TNR: variants seen among roughly 807,000 people sequenced by gnomAD.
TNR encodes the protein tenascin-R.
In TNR, 45 loss-of-function variants were observed where a neutral mutation model predicts 150.4. That is an observed-to-expected ratio of 0.30 (90% CI 0.24 to 0.38). TNR has a LOEUF of 0.38. Ranked by LOEUF, TNR falls within the 10% of genes least tolerant of loss-of-function variation. TNR has a pLI of 1.00. For missense variants in TNR, 1,544 were observed against 1,759.1 expected, an observed-to-expected ratio of 0.88 and a Z score of 2.19; for synonymous variants, 687 against 678.4, an observed-to-expected ratio of 1.01 and a Z score of -0.20.
At position 175,391,395 on chromosome 1, in the gene TNR, G is replaced by A. The variant is rs753755790; in HGVS notation, c.1400C>T (p.Thr467Met). 29 of 1,614,054 alleles carry A rather than the reference G, an allele frequency of 1.8e-5. No homozygotes were observed. Among genetic ancestry groups the A allele is most frequent in the South Asian group, 7.7e-5 (7 of 91,080 alleles). ...GVIAQVPSDV[T>M]SFNQTGLKPG... ...CTTTAGTCCTGTCTGGTTAAAGGAC[G>A]TAACATCGCTGGGGACCTGAGCAAT... Residue 467 changes from threonine to methionine, a missense_variant, in exon 7 of 23, where the codon ACG becomes ATG. By Grantham distance (81) the Thr-to-Met change is moderately conservative. Transcript: ENST00000367674.
chr1:175,541,788 T>C (rs1660509540), intron 1 of TNR, among the ~76,000 whole-genome samples: 1 of 152,192 alleles, frequency 6.6e-6, no homozygotes, highest in South Asian at 2.1e-4. Flanking sequence ...ACCCCACCCC[T>C]GGCTCTATGA....
At chr1:175,427,731 T>TTCCC (rs1553220467) in intron 2 of TNR, among the ~76,000 whole-genome samples, 3 of 126,616 alleles carry the variant, frequency 2.4e-5, no homozygotes, top group African/African-American at 9.2e-5. Flanking sequence ...CTCTCTTTCT[T>TTCCC]TTCCTTCCTT....
chr1:175,549,156 G>A (rs1003670040), intron 1 of TNR, among the ~76,000 whole-genome samples: 1 of 152,218 alleles, frequency 6.6e-6, no homozygotes, highest in African/African-American at 2.4e-5. Context: ...GAACAGGGGA[G>A]CCCACTGAGG....
rs1571811909 is a variant in TNR at position 175,743,317 on chromosome 1, C to T, written c.-256G>A. ...GGCTGGAGCCAGCTGATGCGCTCAC[C>T]TAGAGAGCCCTCCTCTTTCCCTTCT... On this transcript the variant is annotated 5_prime_UTR_variant, in exon 1 of 23. Transcript: ENST00000367674. 1 of 152,116 alleles carries T rather than the reference C, an allele frequency of 6.6e-6. No homozygotes were observed. Among genetic ancestry groups the T allele is most frequent in the Non-Finnish European group, 1.5e-5 (1 of 68,046 alleles). 9.4% of individuals were successfully genotyped at this position (152,116 alleles called of 1,614,324 possible).
At position 175,323,263 on chromosome 1, in the gene TNR, C is replaced by A; in HGVS notation, c.*94G>T. ...TCCTTCACATACTCTTAATATGTTG[C>A]AAAACACATTGCTATTACCCTCCCC... On this transcript the variant is annotated 3_prime_UTR_variant, in exon 23 of 23. Coordinates refer to ENST00000367674, the MANE Select transcript of TNR (RefSeq NM_003285.3). The A allele has an allele frequency of 6.6e-7, 1 of 1,514,966 alleles. No homozygotes were observed. Among genetic ancestry groups the A allele is most frequent in the South Asian group, 1.2e-5 (1 of 81,182 alleles). 93.8% of individuals were successfully genotyped at this position (1,514,966 alleles called of 1,614,324 possible).
chr1:175,401,299 C>T (rs1031442463), intron 4 of TNR, among the ~76,000 whole-genome samples: 10 of 152,132 alleles, frequency 6.6e-5, no homozygotes, highest in South Asian at 2.1e-4. Context: ...GAAGCATGTG[C>T]GCTACAGAAT....
chr1:175,614,269 G>A (rs1027099326), intron 1 of TNR, among the ~76,000 whole-genome samples: 1 of 152,178 alleles, frequency 6.6e-6, no homozygotes, highest in Admixed American at 6.5e-5. Flanking sequence ...GTATGGTGTG[G>A]AGCAAGGTGA....
At chr1:175,457,831 C>T (rs529706740) in intron 2 of TNR, among the ~76,000 whole-genome samples, 3 of 152,250 alleles carry the variant, frequency 2.0e-5, no homozygotes, top group South Asian at 2.1e-4. Context: ...AATCCTCCTT[C>T]GTACAGTTAA....
At chr1:175,570,192 T>C (rs908516754) in intron 1 of TNR, among the ~76,000 whole-genome samples, 1 of 152,220 alleles carries the variant, frequency 6.6e-6, no homozygotes, top group Non-Finnish European at 1.5e-5. Context: ...ACCAAACTGC[T>C]GATTTGTGAT....
chr1:175,742,283 G>A (rs1667952025), intron 1 of TNR, among the ~76,000 whole-genome samples: 1 of 152,208 alleles, frequency 6.6e-6, no homozygotes, highest in Admixed American at 6.5e-5. Context: ...GAGGAGAACA[G>A]AGTACCACTT....
At chr1:175,327,395 AT>A (rs1359830507) in intron 21 of TNR, among the ~76,000 whole-genome samples, 1 of 151,978 alleles carries the variant, frequency 6.6e-6, no homozygotes, top group Non-Finnish European at 1.5e-5. Context: ...CAAGACTCCT[AT>A]TGTCTCCTAT....
Position 175,330,158 on chromosome 1 carries a change from C to A in TNR, c.3709G>T (p.Ala1237Ser), listed in dbSNP as rs753805387. Residue 1237 changes from alanine (A) to serine (S), a missense_variant, in exon 21 of 23, where the codon GCC becomes TCC. Around this residue, in one of 2 missense-constraint regions of TNR, gnomAD observed 290 missense variants for 429.7 expected, o/e 0.67. Transcript: ENST00000367674. Reference sequence around the variant, plus strand: ...GAGAACCTGTCGTAGGAGGCGAAGGCGGCCTCTTGGCCATCCCGCATGTCC... The same window carrying A: ...GAGAACCTGTCGTAGGAGGCGAAGGAGGCCTCTTGGCCATCCCGCATGTCC... Reference protein sequence around the residue: ...RVDMRDGQEAAFASYDRFSVE... With the variant: ...RVDMRDGQEASFASYDRFSVE... 2.2e-5 allele frequency: 35 copies of A among 1,613,520 alleles called. No individual in the cohort carries two copies. The highest frequency in any genetic ancestry group is 2.9e-5 in the Non-Finnish European group (34 of 1,179,508).
In TNR at chr1:175,490,078, C is replaced by T. The variant is rs1348442931; in HGVS notation, c.-64+38191G>A. On this transcript the variant is annotated intron_variant, in intron 2 of 22. Transcript: ENST00000367674. ...TCTCAGAAATAAGATTGCATATCTA[C>T]AACCATCTGATCTTTGACAAGCCTG... 2.0e-5 allele frequency among the ~76,000 whole-genome samples: 3 copies of T among 152,156 alleles called. No homozygotes were observed. The East Asian group carries it at 5.8e-4, about 29-fold the overall frequency.
At chr1:175,575,968 G>C (rs1001499098) in intron 1 of TNR, among the ~76,000 whole-genome samples, 2 of 152,192 alleles carry the variant, frequency 1.3e-5, no homozygotes, top group African/African-American at 4.8e-5. Context: ...TCTGCTAGGG[G>C]CTGCGATTCG....
intron 2 of TNR, among the ~76,000 whole-genome samples, chr1:175,522,748 G>T (rs1659691286): frequency 1.3e-5 from 2 of 152,036 alleles, no homozygotes; most frequent in Non-Finnish European, 2.9e-5. Flanking sequence ...CTGTTATGAG[G>T]CCATTTAGGT....
At chr1:175,520,358 G>A (rs74127321) in intron 2 of TNR, among the ~76,000 whole-genome samples, 6 of 152,088 alleles carry the variant, frequency 3.9e-5, no homozygotes, top group Non-Finnish European at 7.4e-5. Flanking sequence ...CACTCCCTTG[G>A]CCCATGGCCA....
chr1:175,413,325 C>G (rs1256850576), intron 2 of TNR, among the ~76,000 whole-genome samples: 1 of 152,220 alleles, frequency 6.6e-6, no homozygotes, highest in Non-Finnish European at 1.5e-5. Flanking sequence ...CGCGCTCAGC[C>G]TCTTTGGCAC....
intron 1 of TNR, among the ~76,000 whole-genome samples, chr1:175,663,171 C>A (rs1360966471): frequency 1.3e-5 from 2 of 152,196 alleles, no homozygotes; most frequent in Non-Finnish European, 2.9e-5. Context: ...CCTCCTTCAG[C>A]TCCCCAAGCC....
At chr1:175,535,426 T>G (rs1660235914) in intron 1 of TNR, among the ~76,000 whole-genome samples, 1 of 149,068 alleles carries the variant, frequency 6.7e-6, no homozygotes, top group African/African-American at 2.5e-5. Flanking sequence ...CTGTATTTCT[T>G]TTTTATTTAT....
Sources: allele counts gnomAD v4.1 joint callset (sites outside exome capture counted in the v4.1 genomes callset), GRCh38; gene constraint gnomAD v4.1.1; regional missense constraint gnomAD v4.1.1; transcripts MANE v1.5; gene names NCBI Gene and HGNC (gene_info 2026-07-23, HGNC 2026-07-21).